CELF2: variants seen among roughly 807,000 people sequenced by gnomAD.
CELF2 encodes the protein CUG triplet repeat RNA-binding protein 2.
In CELF2, 8 loss-of-function variants were observed where a neutral mutation model predicts 62.6. The observed-to-expected ratio is 0.13, with a 90% CI of 0.07 to 0.23. The LOEUF is 0.23. Among genes scored for constraint, CELF2 ranks in the 10% least tolerant of loss-of-function variants. The pLI is 1.00. For missense variants in CELF2, 333 were observed against 671.0 expected (o/e 0.50, Z 5.56); for synonymous variants, 258 against 250.0 (o/e 1.03, Z -0.30).
At chr10:11,140,734 G>A (rs531708167) in intron 1 of CELF2, among the ~76,000 whole-genome samples, 19 of 152,174 alleles carry the variant, frequency 1.2e-4, no homozygotes, top group African/African-American at 3.6e-4. Flanking sequence ...TAAAAATAAG[G>A]GTTAGGCGCA....
At position 11,303,439 on chromosome 10, in the gene CELF2, G is replaced by A. The variant is rs564318661; in HGVS notation, c.977-10700G>A. On this transcript the variant is annotated intron_variant, in intron 9 of 12. Coordinates refer to ENST00000633077, the MANE Select transcript of CELF2 (RefSeq NM_001326342.2). The stretch of plus-strand genomic sequence containing the variant: ...AAGATGTTGAATCTTCATTGCAAGT[G>A]CTGTAAAATGAAGTGTAAAGATGCA... Among the ~76,000 whole-genome samples the A allele has an allele frequency of 1.2e-4, 19 of 152,308 alleles. No individual in the cohort carries two copies. The East Asian group carries it at 2.9e-3, about 23-fold the overall frequency.
chr10:10,921,690 A>T (rs1323777534), intron 2 of CELF2, among the ~76,000 whole-genome samples: 1 of 152,128 alleles, frequency 6.6e-6, no homozygotes, highest in African/African-American at 2.4e-5. Context: ...CAGGGCACAG[A>T]TGGGATCAGC....
intron 1 of CELF2, among the ~76,000 whole-genome samples, chr10:11,088,711 T>C (rs1374004242): frequency 6.6e-6 from 1 of 152,192 alleles, no homozygotes; most frequent in Admixed American, 6.5e-5. Context: ...CTTAGTTGCA[T>C]AGAACCTCTT....
the CELF2 span, among the ~76,000 whole-genome samples, chr10:10,619,752 G>C: frequency 6.6e-6 from 1 of 152,280 alleles, no homozygotes; most frequent in Non-Finnish European, 1.5e-5. Context: ...AGTTTGTTTG[G>C]AAAAACATTT....
At chr10:11,181,615 C>T (rs926356479) in intron 2 of CELF2, among the ~76,000 whole-genome samples, 1 of 152,210 alleles carries the variant, frequency 6.6e-6, no homozygotes, top group African/African-American at 2.4e-5. Flanking sequence ...CCAGCAGAGT[C>T]ATGTCTCGCT....
In CELF2 at chr10:11,039,697, A is replaced by G. The variant is rs1299524651; in HGVS notation, c.74+21534A>G. Among the ~76,000 whole-genome samples the G allele has an allele frequency of 6.6e-6, 1 of 152,236 alleles. No homozygotes were observed. Among genetic ancestry groups the G allele is most frequent in the East Asian group, 1.9e-4 (1 of 5,200 alleles). ...TGTACTTCATAATTTTGATCATTGA[A>G]CCAGGAACATTATGTACCAGTTTTT... On this transcript the variant is annotated intron_variant, in intron 1 of 12. Transcript: ENST00000633077. The surrounding 1 kb of genome is among the most constrained non-coding windows in gnomAD (Gnocchi z 4.1).
rs950180300 is a variant in CELF2, at chr10:11,165,894, G to C, written c.271+212G>C. Among the ~76,000 whole-genome samples the C allele has an allele frequency of 7.2e-5, 11 of 152,238 alleles. No individual in the cohort carries two copies. Among genetic ancestry groups the C allele is most frequent in the Non-Finnish European group, 1.2e-4 (8 of 68,032 alleles). Reference sequence around the variant, plus strand: ...GCCGGGACAGGTTGGAGGCGGGAGAGAGGGACCGAGGCAGGGCGGGAGCGC... The same window carrying C: ...GCCGGGACAGGTTGGAGGCGGGAGACAGGGACCGAGGCAGGGCGGGAGCGC... On this transcript the variant is annotated intron_variant, in intron 2 of 12. Transcript: ENST00000633077. This position sits in a 1 kb window ranked among gnomAD's most constrained non-coding sequence, Gnocchi z 7.4.
At chr10:11,303,972 C>T (rs1473521194) in intron 9 of CELF2, among the ~76,000 whole-genome samples, 1 of 152,266 alleles carries the variant, frequency 6.6e-6, no homozygotes, top group African/African-American at 2.4e-5. Context: ...GGCAAGCACT[C>T]ACACCTTAGC....
At chr10:10,496,882 A>C in the CELF2 span, among the ~76,000 whole-genome samples, 1 of 152,084 alleles carries the variant, frequency 6.6e-6, no homozygotes, top group Non-Finnish European at 1.5e-5. Context: ...GATGGAGGAA[A>C]GTTATGTAAT....
chr10:10,905,754 T>C (rs1270097424), intron 1 of CELF2, among the ~76,000 whole-genome samples: 1 of 151,966 alleles, frequency 6.6e-6, no homozygotes, highest in East Asian at 1.9e-4. Flanking sequence ...GGCGGGCAAC[T>C]GTAGTCCCAG....
intron 1 of CELF2, among the ~76,000 whole-genome samples, chr10:11,048,443 G>C (rs1330781879): frequency 6.6e-6 from 1 of 152,154 alleles, no homozygotes; most frequent in Non-Finnish European, 1.5e-5. Flanking sequence ...ACTGTACCTA[G>C]GGTATTGTAG....
chr10:10,558,051 G>A, the CELF2 span, among the ~76,000 whole-genome samples: 1 of 147,256 alleles, frequency 6.8e-6, no homozygotes, highest in South Asian at 2.2e-4. Flanking sequence ...AATTGCCCTG[G>A]CCAGAACTTC....
chr10:10,772,461 G>C, the CELF2 span, among the ~76,000 whole-genome samples: 1 of 152,202 alleles, frequency 6.6e-6, no homozygotes, highest in Non-Finnish European at 1.5e-5. Context: ...TTTAAATGCT[G>C]TGTCTTCTAC....
At chr10:10,986,548 A>G (rs1210110175) in intron 2 of CELF2, among the ~76,000 whole-genome samples, 3 of 152,252 alleles carry the variant, frequency 2.0e-5, no homozygotes, top group African/African-American at 7.2e-5. Context: ...AGTAGAAATT[A>G]AAATTTTAAT....
chr10:11,291,452 A>C (rs2092512371), intron 9 of CELF2, among the ~76,000 whole-genome samples: 1 of 152,248 alleles, frequency 6.6e-6, no homozygotes, highest in Admixed American at 6.5e-5. Flanking sequence ...CATGGCCTTG[A>C]AATAAAAATT....
At chr10:10,825,546 A>G (rs902056623) in intron 1 of CELF2, among the ~76,000 whole-genome samples, 19 of 152,318 alleles carry the variant, frequency 1.2e-4, no homozygotes, top group African/African-American at 4.6e-4. Context: ...GGTGATAGCA[A>G]GATTCCTGTG....
the CELF2 span, among the ~76,000 whole-genome samples, chr10:10,493,298 G>C: frequency 2.0e-5 from 3 of 152,142 alleles, no homozygotes; most frequent in African/African-American, 7.2e-5. Flanking sequence ...GGATGGCTAT[G>C]GGCGAATAGG....
At chr10:10,544,425 G>T in the CELF2 span, among the ~76,000 whole-genome samples, 1 of 152,228 alleles carries the variant, frequency 6.6e-6, no homozygotes, top group Non-Finnish European at 1.5e-5. Context: ...TTAGAGAAGT[G>T]ACTTTGAACA....
the CELF2 span, among the ~76,000 whole-genome samples, chr10:10,721,375 T>A: frequency 6.6e-6 from 1 of 152,216 alleles, no homozygotes; most frequent in African/African-American, 2.4e-5. Context: ...TTAGAAGCAA[T>A]CTATACCCAA....
Sources: allele counts gnomAD v4.1 joint callset (sites outside exome capture counted in the v4.1 genomes callset), GRCh38; gene constraint gnomAD v4.1.1; non-coding constraint Gnocchi (gnomAD v3.1); transcripts MANE v1.5; gene names NCBI Gene and HGNC (gene_info 2026-07-23, HGNC 2026-07-21).